Variants in SLC7A14 observed in about 807,000 individuals in gnomAD.
SLC7A14 encodes gamma-aminobutyric acid transporter SLC7A14.
SLC7A14 carries 37 observed loss-of-function variants against 60.2 expected under a neutral mutation model. The ratio of observed to expected loss-of-function variants is 0.61; its 90% confidence interval spans 0.47 to 0.81. The LOEUF (loss-of-function observed/expected upper bound fraction) is 0.81. SLC7A14 is among the 30% of genes least tolerant of loss of function. The pLI is 0.00. For missense variants in SLC7A14, 886 were observed against 982.7 expected, an observed-to-expected ratio of 0.90 and a Z score of 1.32; for synonymous variants, 399 against 395.8, an observed-to-expected ratio of 1.01 and a Z score of -0.10.
chr3:170,484,577 C>T (rs1314769720), intron 5 of SLC7A14, among the ~76,000 whole-genome samples: 1 of 152,206 alleles, frequency 6.6e-6, no homozygotes, highest in East Asian at 1.9e-4. Context: ...GGATTCAAAG[C>T]CTGAAGGAAA....
At chr3:170,558,921 A>G (rs138508943) in intron 1 of SLC7A14, among the ~76,000 whole-genome samples, 7 of 152,282 alleles carry the variant, frequency 4.6e-5, no homozygotes, top group Middle Eastern at 3.4e-3. Flanking sequence ...CCTGGTATCA[A>G]TAGTTTTCCT....
chr3:170,498,590 A>G lies in SLC7A14; in HGVS notation c.759+77T>C. 5.9e-6 allele frequency: 8 copies of G among 1,353,162 alleles called. 1 individual carries two copies. The South Asian group carries it at 1.0e-4, about 17-fold the overall frequency. The allele number at this position is 1,353,162 out of a possible 1,614,324, so 83.8% of individuals were successfully genotyped here. The stretch of plus-strand genomic sequence containing the variant: ...TATGGAACAGAACAGCATTTTCTTG[A>G]AAATATGTCTTAGGTTGGTCACAGG... On this transcript the variant is annotated intron_variant, in intron 4 of 7. Coordinates refer to ENST00000231706, the MANE Select transcript of SLC7A14 (RefSeq NM_020949.3).
intron 2 of SLC7A14, among the ~76,000 whole-genome samples, chr3:170,506,225 AT>A (rs1712777511): frequency 6.6e-6 from 1 of 152,206 alleles, no homozygotes; most frequent in Non-Finnish European, 1.5e-5. Flanking sequence ...AATATAAAGG[AT>A]TTATTTCAGC....
In SLC7A14 at chr3:170,490,896, G is replaced by A. The variant is rs547784515; in HGVS notation, c.760-4528C>T. On this transcript the variant is annotated intron_variant, in intron 4 of 7. Coordinates refer to ENST00000231706, the MANE Select transcript of SLC7A14 (RefSeq NM_020949.3). The stretch of plus-strand genomic sequence containing the variant: ...ACTGCAGTCCTATAATACAGTAGGT[G>A]CTCAGTAAATATTAGCTCTTACCAC... Among the ~76,000 whole-genome samples the A allele has an allele frequency of 6.6e-5, 10 of 152,308 alleles. No individual in the cohort carries two copies. In the South Asian group the frequency reaches 1.2e-3, roughly 19 times the overall value.
At chr3:170,480,219 G>A (rs1391447551) in intron 7 of SLC7A14, 70 bp downstream of exon 7, 2 of 1,465,940 alleles carry the variant, frequency 1.4e-6, no homozygotes, top group Non-Finnish European at 1.8e-6. Flanking sequence ...CCAGCTAGGA[G>A]GTAATTTTGG....
chr3:170,464,303 A>G lies in SLC7A14; in HGVS notation c.*2752T>C, dbSNP rs970657958. Reference sequence around the variant, plus strand: ...GAGAGCTTTTGCTATTCAGAATTCAATAAAATGTAGGTCTTCCTTGGACTC... The same window carrying G: ...GAGAGCTTTTGCTATTCAGAATTCAGTAAAATGTAGGTCTTCCTTGGACTC... On this transcript the variant is annotated 3_prime_UTR_variant, in exon 8 of 8. Coordinates refer to ENST00000231706, the MANE Select transcript of SLC7A14 (RefSeq NM_020949.3). 2.6e-5 allele frequency: 4 copies of G among 152,254 alleles called. No homozygotes were observed. Among genetic ancestry groups the G allele is most frequent in the Admixed American group, 6.5e-5 (1 of 15,288 alleles). 9.4% of individuals were successfully genotyped at this position (152,254 alleles called of 1,614,324 possible).
intron 1 of SLC7A14, among the ~76,000 whole-genome samples, chr3:170,537,210 C>A (rs1442692351): frequency 6.6e-6 from 1 of 152,174 alleles, no homozygotes; most frequent in African/African-American, 2.4e-5. Flanking sequence ...CAGGGACAGT[C>A]TATTTCCTTG....
intron 3 of SLC7A14, among the ~76,000 whole-genome samples, chr3:170,500,089 G>A (rs1004328539): frequency 6.6e-6 from 1 of 152,148 alleles, no homozygotes; most frequent in Non-Finnish European, 1.5e-5. Flanking sequence ...TCTGAGGCAA[G>A]ATTCCAGAGC....
chr3:170,491,497 G>A (rs1051762291), intron 4 of SLC7A14, among the ~76,000 whole-genome samples: 2 of 152,204 alleles, frequency 1.3e-5, no homozygotes, highest in African/African-American at 4.8e-5. Flanking sequence ...AAATTTCAAT[G>A]AGGGACTATA....
intron 1 of SLC7A14, among the ~76,000 whole-genome samples, chr3:170,546,124 C>G (rs1256457048): frequency 6.6e-6 from 1 of 152,228 alleles, no homozygotes; most frequent in African/African-American, 2.4e-5. Context: ...TGTCAGCTAG[C>G]AGGCTGCCCA....
chr3:170,575,235 C>G (rs1715057587), intron 1 of SLC7A14, among the ~76,000 whole-genome samples: 1 of 152,184 alleles, frequency 6.6e-6, no homozygotes, highest in Non-Finnish European at 1.5e-5. Flanking sequence ...TCTGAAGCCT[C>G]CCTCATCTAG....
intron 1 of SLC7A14, among the ~76,000 whole-genome samples, chr3:170,537,566 C>G (rs961418570): frequency 6.6e-6 from 1 of 152,228 alleles, no homozygotes; most frequent in African/African-American, 2.4e-5. Flanking sequence ...ACTGCCACCT[C>G]TCTCATCTCT....
At position 170,461,296 on chromosome 3, in the gene SLC7A14, C is replaced by A. The variant is rs546267646; in HGVS notation, c.*5759G>T. 2.6e-5 allele frequency: 4 copies of A among 152,314 alleles called. No individual in the cohort carries two copies. The South Asian group carries it at 8.3e-4, about 32-fold the overall frequency. The allele number at this position is 152,314 out of a possible 1,614,324, so 9.4% of individuals were successfully genotyped here. A position where few individuals can be genotyped will look rare whatever the true frequency, so the allele number is the denominator to read the frequency against. On this transcript the variant is annotated 3_prime_UTR_variant, in exon 8 of 8. Transcript: ENST00000231706. ...TGATGGGCTACAAAACTTCCACTCACCCCTTGTGGGTTCTAAGTCCTAAAA... is the reference window on the plus strand; with the variant it reads ...TGATGGGCTACAAAACTTCCACTCAACCCTTGTGGGTTCTAAGTCCTAAAA...
chr3:170,570,587 G>T (rs756851482), intron 1 of SLC7A14: 1 of 152,140 alleles, frequency 6.6e-6, no homozygotes, highest in Non-Finnish European at 1.5e-5. Flanking sequence ...TCTCTTGTAA[G>T]TGATTTCTGA....
At chr3:170,471,960 A>G (rs1739922209) in intron 7 of SLC7A14, among the ~76,000 whole-genome samples, 1 of 152,192 alleles carries the variant, frequency 6.6e-6, no homozygotes, top group South Asian at 2.1e-4. Flanking sequence ...GTGCTGCAGC[A>G]GTGTCCTGGA....
Position 170,480,873 on chromosome 3 carries a change from C to T in SLC7A14, c.1409G>A (p.Gly470Glu). 2 of 1,614,048 alleles carry T rather than the reference C, an allele frequency of 1.2e-6. No individual in the cohort carries two copies. Among genetic ancestry groups the T allele is most frequent in the Non-Finnish European group, 1.7e-6 (2 of 1,180,020 alleles). The change falls in exon 7 of 8, where the codon GGG becomes GAG. Residue 470 changes from glycine to glutamate, a missense_variant. Coordinates refer to ENST00000231706, the MANE Select transcript of SLC7A14 (RefSeq NM_020949.3). ...EKEACSPVSE[G>E]DEFSGPATNT... ...GGTGGCTGGGCCAGAAAACTCATCC[C>T]CCTCACTCACAGGAGAACAAGCTTC... is the stretch of plus-strand genomic sequence containing the variant.
At position 170,464,059 on chromosome 3, in the gene SLC7A14, G is replaced by T. The variant is rs1437262336; in HGVS notation, c.*2996C>A. ...AAGCATGTCAGGGTTCTGCATTTAT[G>T]TACTAAATATACGTCTAGTTTTGTC... On this transcript the variant is annotated 3_prime_UTR_variant, in exon 8 of 8. Coordinates refer to ENST00000231706, the MANE Select transcript of SLC7A14 (RefSeq NM_020949.3). 1 of 152,138 alleles carries T rather than the reference G, an allele frequency of 6.6e-6. No homozygotes were observed. Among genetic ancestry groups the T allele is most frequent in the African/African-American group, 2.4e-5 (1 of 41,420 alleles). The allele number at this position is 152,138 out of a possible 1,614,324, so 9.4% of individuals were successfully genotyped here. A position where few individuals can be genotyped will look rare whatever the true frequency, so the allele number is the denominator to read the frequency against.
At chr3:170,486,402 G>C (rs377573925) in intron 4 of SLC7A14, 34 bp from the exon 5 acceptor site, 1 of 1,614,038 alleles carries the variant, frequency 6.2e-7, no homozygotes, top group Admixed American at 1.7e-5. Context: ...AGACTCAGAA[G>C]ATCGGGGTGG....
intron 2 of SLC7A14, among the ~76,000 whole-genome samples, chr3:170,521,890 C>G (rs954209209): frequency 1.1e-4 from 17 of 151,520 alleles, no homozygotes; most frequent in Admixed American, 6.6e-5. Context: ...CATTGCACAC[C>G]AGCCTGGGAG....
Sources: gnomAD v4.1 joint callset for allele counts (sites outside exome capture counted in the v4.1 genomes callset) on GRCh38, gnomAD v4.1.1 for gene constraint, MANE v1.5 for transcripts, NCBI Gene and HGNC (gene_info 2026-07-23, HGNC 2026-07-21) for gene names.